BAAT: variants seen among roughly 807,000 people sequenced by gnomAD.
BAAT encodes the protein bile acid-CoA:amino acid N-acyltransferase.
Under a neutral mutation model 18.9 loss-of-function variants are expected in BAAT, and 13 were observed. The observed-to-expected ratio is 0.69, with a 90% confidence interval of 0.45 to 1.10. The LOEUF (loss-of-function observed/expected upper bound fraction) is 1.10, where lower values mean the gene tolerates loss of function less well. BAAT is among the 50% of genes least tolerant of loss of function. BAAT has a pLI of 0.00. For missense variants in BAAT, 489 were observed against 504.0 expected (o/e 0.97, Z 0.28); for synonymous variants, 170 against 190.7 (o/e 0.89, Z 0.89).
intron 2 of BAAT, among the ~76,000 whole-genome samples, chr9:101,370,156 T>C (rs867071846): frequency 1.3e-5 from 2 of 152,042 alleles, no homozygotes; most frequent in South Asian, 2.1e-4. Flanking sequence ...ATGGTTTCCA[T>C]CACATCAAGA....
At chr9:101,372,177 G>T (rs1004132587) in intron 1 of BAAT, among the ~76,000 whole-genome samples, 1 of 151,994 alleles carries the variant, frequency 6.6e-6, no homozygotes. Context: ...GGGGGCAAGG[G>T]CTGAAAAACT....
intron 1 of BAAT, chr9:101,376,041 G>A (rs1427318483): frequency 1.3e-5 from 2 of 156,060 alleles, no homozygotes; most frequent in African/African-American, 2.4e-5. Flanking sequence ...GAACCTTCAC[G>A]TCTCTTCTGA....
chr9:101,364,679 C>A (rs1452164995), intron 3 of BAAT, among the ~76,000 whole-genome samples: 1 of 152,102 alleles, frequency 6.6e-6, no homozygotes, highest in Non-Finnish European at 1.5e-5. Flanking sequence ...TGGGAAATAA[C>A]ATAATAAGTC....
chr9:101,378,113 C>G (rs552703741), intron 1 of BAAT, among the ~76,000 whole-genome samples: 1 of 152,176 alleles, frequency 6.6e-6, no homozygotes, highest in Non-Finnish European at 1.5e-5. Context: ...AGGACATAAA[C>G]AAATGGAAAA....
chr9:101,384,840 G>GA lies in BAAT; in HGVS notation c.-60+14dup, dbSNP rs938934307. Reference sequence around the variant, plus strand: ...ATTAAAAGAATGGAAGTAAGTAAATGAAAAAAATACATACCTAGCAAGAGA... The same window carrying GA: ...ATTAAAAGAATGGAAGTAAGTAAATGAAAAAAAATACATACCTAGCAAGAGA... On this transcript the variant is annotated intron_variant, in intron 1 of 3. Coordinates refer to ENST00000259407, the MANE Select transcript of BAAT (RefSeq NM_001701.4). Among the ~76,000 whole-genome samples the GA allele has an allele frequency of 1.6e-4, 25 of 152,176 alleles. No individual in the cohort carries two copies. The highest frequency in any genetic ancestry group is 5.3e-4 in the African/African-American group (22 of 41,536).
In BAAT at chr9:101,371,015, C is replaced by A. The variant is rs551090726; in HGVS notation, c.390G>T (p.Arg130Ser). The change falls in exon 2 of 4, where the codon AGG becomes AGT. Residue 130 changes from arginine to serine, a missense_variant. Transcript: ENST00000259407. ...GTGTGACACCAGGTGCCACATACCA[C>A]CTCTCCAAAGTCAGGCTGGCCTTTG... ...SAPKASLTLE[R>S]WYVAPGVTRI... 2.8e-5 allele frequency: 45 copies of A among 1,614,146 alleles called. No individual in the cohort carries two copies. Among genetic ancestry groups the A allele is most frequent in the Non-Finnish European group, 3.6e-5 (42 of 1,180,024 alleles).
chr9:101,362,272 G>T lies in BAAT; in HGVS notation c.*156C>A. ...TTGGTTAGCTTGTTATGCAGTATAA[G>T]TGAAATATCAGGTTTTTACCCTATG... On this transcript the variant is annotated 3_prime_UTR_variant, in exon 4 of 4. Transcript: ENST00000259407. 1 of 764,884 alleles carries T rather than the reference G, an allele frequency of 1.3e-6. No homozygotes were observed. Among genetic ancestry groups the T allele is most frequent in the Non-Finnish European group, 2.1e-6 (1 of 470,590 alleles). The allele number at this position is 764,884 out of a possible 1,614,324, so 47.4% of individuals were successfully genotyped here. A position where few individuals can be genotyped will look rare whatever the true frequency, so the allele number is the denominator to read the frequency against.
At chr9:101,367,640 C>T (rs1388522576) in intron 3 of BAAT, among the ~76,000 whole-genome samples, 7 of 152,036 alleles carry the variant, frequency 4.6e-5, no homozygotes, top group Non-Finnish European at 1.5e-5. Flanking sequence ...GTGCCTGCTA[C>T]CACACCCAGC....
intron 1 of BAAT, among the ~76,000 whole-genome samples, chr9:101,383,688 TTTCTG>T (rs1178561487): frequency 6.6e-6 from 1 of 152,214 alleles, no homozygotes; most frequent in Non-Finnish European, 1.5e-5. Flanking sequence ...CCCTCTTCAT[TTTCTG>T]TTCTCTCTAA....
intron 1 of BAAT, among the ~76,000 whole-genome samples, chr9:101,373,581 T>G (rs565928637): frequency 1.1e-4 from 16 of 152,216 alleles, no homozygotes; most frequent in Non-Finnish European, 2.2e-4. Flanking sequence ...GATGTTTTGT[T>G]TTATAGGAAA....
At chr9:101,384,241 A>G (rs547464499) in intron 1 of BAAT, among the ~76,000 whole-genome samples, 2 of 152,326 alleles carry the variant, frequency 1.3e-5, no homozygotes, top group South Asian at 4.1e-4. Flanking sequence ...ACTGATTAAG[A>G]ATTATTAACT....
intron 1 of BAAT, among the ~76,000 whole-genome samples, chr9:101,383,036 A>C (rs1309207179): frequency 6.6e-6 from 1 of 152,214 alleles, no homozygotes. Context: ...CCCTTCAAAC[A>C]AAATATAAAT....
chr9:101,384,485 T>A (rs542784203), intron 1 of BAAT, among the ~76,000 whole-genome samples: 1 of 152,280 alleles, frequency 6.6e-6, no homozygotes, highest in Admixed American at 6.5e-5. Context: ...AGTGAATCAC[T>A]CAGACTCAAG....
intron 1 of BAAT, among the ~76,000 whole-genome samples, chr9:101,375,091 C>T (rs889016572): frequency 2.0e-5 from 3 of 152,114 alleles, no homozygotes; most frequent in Admixed American, 6.5e-5. Context: ...AAATGAATCA[C>T]GGGAGTTGTT....
At chr9:101,382,242 A>G (rs1424153219) in intron 1 of BAAT, among the ~76,000 whole-genome samples, 1 of 152,194 alleles carries the variant, frequency 6.6e-6, no homozygotes, top group East Asian at 1.9e-4. Context: ...CCTGAAATTG[A>G]TAATTGGCAG....
intron 1 of BAAT, among the ~76,000 whole-genome samples, 63 bp downstream of exon 1, chr9:101,384,792 T>C (rs1329575904): frequency 1.3e-5 from 2 of 151,836 alleles, no homozygotes; most frequent in Non-Finnish European, 2.9e-5. Context: ...TTACTGAGAG[T>C]CTGGATTGTG....
In BAAT at chr9:101,371,147, C is replaced by A. The variant is rs1238081048; in HGVS notation, c.258G>T (p.Lys86Asn). 1 of 1,614,160 alleles carries A rather than the reference C, an allele frequency of 6.2e-7. No homozygotes were observed. Among genetic ancestry groups the A allele is most frequent in the Non-Finnish European group, 8.5e-7 (1 of 1,180,024 alleles). Residue 86 changes from lysine (K) to asparagine (N), a missense_variant, in exon 2 of 4, where the codon AAG (lysine) becomes AAT (asparagine). Physicochemically the swap from Lys to Asn is moderately conservative, Grantham distance 94. Transcript: ENST00000259407. ...MGLFWSLKPE[K>N]LLTRLLKRDV... ...CTCTTTTCAACAGTCTTGTTAATAG[C>A]TTTTCAGGTTTCAGAGACCAGAAGA...
chr9:101,367,108 C>CAAAAAAAAA (rs1310860267), intron 3 of BAAT, among the ~76,000 whole-genome samples: 1 of 39,330 alleles, frequency 2.5e-5, no homozygotes, highest in African/African-American at 1.0e-4. Context: ...GAGACTCTGT[C>CAAAAAAAAA]AAAAAAAGAA....
chr9:101,365,266 T>A (rs1343225369), intron 3 of BAAT, among the ~76,000 whole-genome samples: 1 of 152,138 alleles, frequency 6.6e-6, no homozygotes, highest in African/African-American at 2.4e-5. Context: ...TCTCCTATAT[T>A]TTAAAGGCAT....
Sources: allele counts gnomAD v4.1 joint callset (sites outside exome capture counted in the v4.1 genomes callset), GRCh38; gene constraint gnomAD v4.1.1; transcripts MANE v1.5; gene names NCBI Gene and HGNC (gene_info 2026-07-23, HGNC 2026-07-21).